GTF2E2: variants seen among roughly 807,000 people sequenced by gnomAD.
GTF2E2 encodes general transcription factor IIE subunit 2.
Under a neutral mutation model 40.5 loss-of-function variants are expected in GTF2E2, and 21 were observed. The observed-to-expected ratio is 0.52, with a 90% CI of 0.37 to 0.75. GTF2E2 has a LOEUF of 0.75. Ranked by LOEUF, GTF2E2 falls within the 30% of genes least tolerant of loss-of-function variation. GTF2E2 has a pLI of 0.00. For synonymous variants in GTF2E2, 117 were observed against 121.6 expected, an observed-to-expected ratio of 0.96 and a Z score of 0.25; for missense variants, 298 against 338.4, an observed-to-expected ratio of 0.88 and a Z score of 0.94.
At chr8:30,638,570 T>C (rs919317417) in intron 2 of GTF2E2, 4 of 152,636 alleles carry the variant, frequency 2.6e-5, no homozygotes, top group South Asian at 2.1e-4. Context: ...CAGCTCCATC[T>C]TGGCTGTGCA....
intron 6 of GTF2E2, among the ~76,000 whole-genome samples, chr8:30,595,522 G>A (rs542286334): frequency 9.9e-5 from 15 of 152,236 alleles, no homozygotes; most frequent in Admixed American, 9.8e-4. Context: ...GAGAGCATTT[G>A]TCCTTCATTT....
At position 30,629,862 on chromosome 8, in the gene GTF2E2, C is replaced by A. The variant is rs191398906; in HGVS notation, c.258+5170G>T. Among the ~76,000 whole-genome samples, 4 of 151,954 alleles carry A rather than the reference C, an allele frequency of 2.6e-5. No individual in the cohort carries two copies. In the East Asian group the frequency reaches 7.7e-4, roughly 29 times the overall value. ...CTAAGCTAGAATAAGCCAAATTAAC[C>A]CAGATTTTTCAACATAGTGTTTTAC... On this transcript the variant is annotated intron_variant, in intron 3 of 7. Coordinates refer to ENST00000355904, the MANE Select transcript of GTF2E2 (RefSeq NM_002095.6).
At chr8:30,587,746 C>T (rs1585935369) in intron 6 of GTF2E2, among the ~76,000 whole-genome samples, 1 of 151,948 alleles carries the variant, frequency 6.6e-6, no homozygotes, top group East Asian at 1.9e-4. Context: ...GTGGCGGGCA[C>T]CTGTAATTCC....
In GTF2E2 at chr8:30,578,568, C is replaced by G; in HGVS notation, c.*353G>C. On this transcript the variant is annotated 3_prime_UTR_variant, in exon 8 of 8. Transcript: ENST00000355904. The stretch of plus-strand genomic sequence containing the variant: ...TATAAATATGTTCTTTTGGAATAAA[C>G]AAATATTGCATTCAAGACTATGGGC... 1 of 161,724 alleles carries G rather than the reference C, an allele frequency of 6.2e-6. No homozygotes were observed. Among genetic ancestry groups the G allele is most frequent in the Non-Finnish European group, 1.3e-5 (1 of 74,220 alleles). 10.0% of individuals were successfully genotyped at this position (161,724 alleles called of 1,614,324 possible).
intron 3 of GTF2E2, among the ~76,000 whole-genome samples, chr8:30,617,438 T>C (rs572709067): frequency 6.6e-6 from 1 of 152,148 alleles, no homozygotes; most frequent in Admixed American, 6.5e-5. Context: ...AAGCTAAACA[T>C]ACAAGCTACA....
chr8:30,654,752 A>G (rs1369275642), intron 1 of GTF2E2, among the ~76,000 whole-genome samples: 2 of 152,136 alleles, frequency 1.3e-5, no homozygotes, highest in African/African-American at 2.4e-5. Context: ...CACTCCCATT[A>G]TATTTCTATT....
intron 6 of GTF2E2, among the ~76,000 whole-genome samples, chr8:30,592,250 A>C (rs1434951439): frequency 6.6e-6 from 1 of 152,050 alleles, no homozygotes; most frequent in Non-Finnish European, 1.5e-5. Flanking sequence ...ATGGTGACAC[A>C]CACCTGTAGT....
intron 2 of GTF2E2, among the ~76,000 whole-genome samples, chr8:30,649,368 AGAAG>A (rs1442574443): frequency 6.6e-6 from 1 of 151,956 alleles, no homozygotes; most frequent in East Asian, 1.9e-4. Flanking sequence ...CAAAGCAAGC[AGAAG>A]GAAGGAAATA....
Position 30,608,400 on chromosome 8 carries a change from G to A in GTF2E2, c.550-1250C>T, listed in dbSNP as rs535667025. Among the ~76,000 whole-genome samples, 4 of 152,300 alleles carry A rather than the reference G, an allele frequency of 2.6e-5. No homozygotes were observed. In the East Asian group the frequency reaches 7.7e-4, roughly 29 times the overall value. ...CACTTTGCTAAAAGGATATATGACA[G>A]TATTCTTCTTTTTGATGTGTTTTCC... On this transcript the variant is annotated intron_variant, in intron 5 of 7. Coordinates refer to ENST00000355904, the MANE Select transcript of GTF2E2 (RefSeq NM_002095.6).
intron 2 of GTF2E2, chr8:30,636,879 G>C: frequency 5.6e-6 from 2 of 357,860 alleles, no homozygotes; most frequent in Admixed American, 4.2e-5. Context: ...AAAAAAGAAT[G>C]CCTTATAGGT....
intron 2 of GTF2E2, chr8:30,636,783 T>G: frequency 3.8e-6 from 1 of 263,734 alleles, no homozygotes; most frequent in Non-Finnish European, 7.4e-6. Flanking sequence ...AACGAGAGAG[T>G]TGGAGGTTGC....
chr8:30,616,458 A>C (rs563061516), intron 3 of GTF2E2, among the ~76,000 whole-genome samples: 1 of 148,632 alleles, frequency 6.7e-6, no homozygotes, highest in South Asian at 2.1e-4. Context: ...TAATTTTAAA[A>C]ATTAAAAATT....
At chr8:30,646,746 C>T (rs1435866359) in intron 2 of GTF2E2, among the ~76,000 whole-genome samples, 4 of 152,058 alleles carry the variant, frequency 2.6e-5, no homozygotes, top group African/African-American at 9.7e-5. Context: ...CTTTGGGAGG[C>T]CAAGGCGGAT....
intron 1 of GTF2E2, among the ~76,000 whole-genome samples, chr8:30,656,056 C>T (rs1432259340): frequency 2.0e-5 from 3 of 152,048 alleles, no homozygotes; most frequent in African/African-American, 7.2e-5. Context: ...TCAAGTGATC[C>T]GCCCACCTCA....
rs61656559 is a variant in GTF2E2 at position 30,627,999 on chromosome 8, C to G, written c.258+7033G>C. 4.2e-3 allele frequency among the ~76,000 whole-genome samples: 643 copies of G among 152,338 alleles called. 6 individuals carry two copies. The highest frequency in any genetic ancestry group is 0.014 in the African/African-American group (593 of 41,586). On this transcript the variant is annotated intron_variant, in intron 3 of 7. Coordinates refer to ENST00000355904, the MANE Select transcript of GTF2E2 (RefSeq NM_002095.6). ...ATTGGATTTCAAAGGAAAACTGAAT[C>G]TCTGGAAAAATCATGTGGCAAAAGA...
chr8:30,587,313 T>C (rs1828710590), intron 6 of GTF2E2, among the ~76,000 whole-genome samples: 1 of 152,062 alleles, frequency 6.6e-6, no homozygotes, highest in South Asian at 2.1e-4. Flanking sequence ...CTTAGGAGGC[T>C]AAGATGACAG....
At chr8:30,624,445 T>C (rs537124098) in intron 3 of GTF2E2, among the ~76,000 whole-genome samples, 2 of 152,286 alleles carry the variant, frequency 1.3e-5, no homozygotes, top group African/African-American at 2.4e-5. Flanking sequence ...TCAGGTAGCA[T>C]GATGCCTCCA....
intron 2 of GTF2E2, among the ~76,000 whole-genome samples, chr8:30,636,698 T>G (rs1432599608): frequency 6.6e-6 from 1 of 152,080 alleles, no homozygotes; most frequent in Non-Finnish European, 1.5e-5. Flanking sequence ...AAACCCCGTC[T>G]CTACCAAAAA....
intron 3 of GTF2E2, among the ~76,000 whole-genome samples, chr8:30,620,062 T>A (rs1801041652): frequency 6.6e-6 from 1 of 152,016 alleles, no homozygotes; most frequent in African/African-American, 2.4e-5. Flanking sequence ...AGTAAAGAGA[T>A]GCTCCCCTTT....
Sources: gnomAD v4.1 joint callset for allele counts (sites outside exome capture counted in the v4.1 genomes callset) on GRCh38, gnomAD v4.1.1 for gene constraint, MANE v1.5 for transcripts, NCBI Gene and HGNC (gene_info 2026-07-23, HGNC 2026-07-21) for gene names.